The following KALRN variants were observed in gnomAD, a reference collection of about 807,000 sequenced individuals.
KALRN encodes kalirin.
A neutral mutation model predicts 353.7 loss-of-function variants in KALRN; 70 were observed. The ratio of observed to expected loss-of-function variants is 0.20; its 90% CI spans 0.16 to 0.24. The LOEUF is 0.24. Ranked by LOEUF, KALRN falls within the 10% of genes least tolerant of loss-of-function variation. The pLI is 1.00. For missense variants in KALRN, 2,791 were observed against 3,756.7 expected (o/e 0.74, Z 6.72); for synonymous variants, 1,391 against 1,434.8 (o/e 0.97, Z 0.69).
intron 1 of KALRN, among the ~76,000 whole-genome samples, chr3:124,206,076 A>G (rs976544330): frequency 2.0e-5 from 3 of 152,232 alleles, no homozygotes; most frequent in Admixed American, 2.0e-4. Flanking sequence ...CCTGATATTA[A>G]TAAGAGAGTG....
chr3:124,266,686 G>T (rs1172317672), intron 4 of KALRN, among the ~76,000 whole-genome samples: 3 of 152,094 alleles, frequency 2.0e-5, no homozygotes, highest in Non-Finnish European at 2.9e-5. Context: ...CCTGTGTGTG[G>T]TGTCAAATAG....
chr3:124,712,023 A>T (rs1042454680), intron 57 of KALRN, among the ~76,000 whole-genome samples: 4 of 152,198 alleles, frequency 2.6e-5, no homozygotes, highest in Non-Finnish European at 5.9e-5. Context: ...CATAAGAATG[A>T]TATGATGGAC....
intron 10 of KALRN, among the ~76,000 whole-genome samples, chr3:124,366,907 ATGGG>A (rs2084832526): frequency 9.2e-6 from 1 of 108,888 alleles, no homozygotes; most frequent in African/African-American, 4.4e-5. Context: ...TCCCTCCCGG[ATGGG>A]GTGGCTGGCC....
intron 1 of KALRN, among the ~76,000 whole-genome samples, chr3:124,040,576 A>G (rs932255576): frequency 2.0e-5 from 3 of 152,236 alleles, no homozygotes; most frequent in Non-Finnish European, 4.4e-5. Flanking sequence ...GCTGAGATGG[A>G]GAAACGCTGG....
At chr3:124,653,306 G>GA (rs1379272547) in intron 38 of KALRN, among the ~76,000 whole-genome samples, 1 of 152,146 alleles carries the variant, frequency 6.6e-6, no homozygotes, top group Non-Finnish European at 1.5e-5. Flanking sequence ...GAAGAAAAAA[G>GA]TTGAGAATGG....
chr3:124,221,735 C>T (rs947017136), intron 1 of KALRN, among the ~76,000 whole-genome samples: 2 of 152,086 alleles, frequency 1.3e-5, no homozygotes, highest in South Asian at 4.1e-4. Context: ...ATAGTGGATA[C>T]AGGATGGTCA....
intron 1 of KALRN, among the ~76,000 whole-genome samples, chr3:124,071,015 A>G (rs1374674139): frequency 3.3e-5 from 5 of 151,384 alleles, no homozygotes; most frequent in Non-Finnish European, 7.4e-5. Flanking sequence ...GTGTGTGCTG[A>G]TGTCTGTCAT....
chr3:124,231,123 C>A (rs1030016050), intron 2 of KALRN, among the ~76,000 whole-genome samples: 2 of 152,154 alleles, frequency 1.3e-5, no homozygotes, highest in Non-Finnish European at 2.9e-5. Flanking sequence ...GCCATGGGAA[C>A]GTACATTGGG....
At chr3:124,599,931 C>T (rs1011356640) in intron 34 of KALRN, among the ~76,000 whole-genome samples, 1 of 152,214 alleles carries the variant, frequency 6.6e-6, no homozygotes, top group Non-Finnish European at 1.5e-5. Flanking sequence ...GGGTTCCACA[C>T]ACAGCTTGTT....
At chr3:124,340,524 A>G (rs2081589165) in intron 9 of KALRN, among the ~76,000 whole-genome samples, 1 of 152,084 alleles carries the variant, frequency 6.6e-6, no homozygotes. Context: ...CTCTGTCTCC[A>G]AAAAAAGAAG....
chr3:124,076,366 T>G (rs1469432868), intron 1 of KALRN, among the ~76,000 whole-genome samples: 1 of 152,168 alleles, frequency 6.6e-6, no homozygotes, highest in African/African-American at 2.4e-5. Flanking sequence ...ATTGTTAAAT[T>G]AGAGTGGCTG....
Position 124,521,720 on chromosome 3 carries a change from AT to A in KALRN, c.4935+25308del, listed in dbSNP as rs568229537. On this transcript the variant is annotated intron_variant, in intron 33 of 59. Coordinates refer to ENST00000682506, the MANE Select transcript of KALRN (RefSeq NM_001388419.1). ...CTTACCAAAGCTTGTTTTCAGAGTT[AT>A]CTCGGAGCCCAGAGCAGAAACAGAG... is the stretch of plus-strand genomic sequence containing the variant. Among the ~76,000 whole-genome samples, 6 of 152,344 alleles carry A rather than the reference AT, an allele frequency of 3.9e-5. No homozygotes were observed. In the South Asian group the frequency reaches 1.2e-3, roughly 32 times the overall value.
chr3:124,463,527 AT>A (rs1445935439), intron 25 of KALRN, among the ~76,000 whole-genome samples: 2 of 152,250 alleles, frequency 1.3e-5, no homozygotes, highest in Non-Finnish European at 1.5e-5. Context: ...GCAGTGTCCA[AT>A]ACAGTAGCAC....
chr3:124,620,127 G>A lies in KALRN; in HGVS notation c.5183-12293G>A, dbSNP rs138511403. ...TTTTGGTTTTGGTTTTGAGACAGAG[G>A]TCTCACTGTGTTGCACAGGCTGGAG... On this transcript the variant is annotated intron_variant, in intron 34 of 59. Coordinates refer to ENST00000682506, the MANE Select transcript of KALRN (RefSeq NM_001388419.1). 6.7e-3 allele frequency among the ~76,000 whole-genome samples: 1,014 copies of A among 151,904 alleles called. 6 individuals are homozygous for A. Among genetic ancestry groups the A allele is most frequent in the Non-Finnish European group, 0.011 (747 of 67,964 alleles).
intron 33 of KALRN, among the ~76,000 whole-genome samples, chr3:124,521,116 G>T (rs923753631): frequency 6.6e-6 from 1 of 152,178 alleles, no homozygotes; most frequent in Non-Finnish European, 1.5e-5. Context: ...GATCCCTGAC[G>T]GCCAGGGTCT....
At chr3:124,314,334 A>C (rs571331421) in intron 6 of KALRN, among the ~76,000 whole-genome samples, 1 of 112,800 alleles carries the variant, frequency 8.9e-6, no homozygotes, top group Non-Finnish European at 1.7e-5. Context: ...GGAACATCAC[A>C]TACCGGGGCC....
At chr3:124,097,912 C>G (rs1248013856) in intron 1 of KALRN, among the ~76,000 whole-genome samples, 4 of 152,146 alleles carry the variant, frequency 2.6e-5, no homozygotes, top group Non-Finnish European at 5.9e-5. Flanking sequence ...TGATTGTATT[C>G]TGTGCTTATA....
Position 124,671,766 on chromosome 3 carries a change from T to C in KALRN, c.6810T>C (p.Val2270=). ...PQASPRPYSS[V]PAGSEKPPKG... ...CCAGCCCCAGGCCCTACTCCTCTGT[T>C]CCTGCGGGCTCAGAGAAGCCCCCAA... is the stretch of plus-strand genomic sequence containing the variant. The change falls in exon 48 of 60, where the codon GTT becomes GTC. Residue 2270 remains valine, a synonymous_variant. Transcript: ENST00000682506. 1 of 1,613,808 alleles carries C rather than the reference T, an allele frequency of 6.2e-7. No individual in the cohort carries two copies. The highest frequency in any genetic ancestry group is 8.5e-7 in the Non-Finnish European group (1 of 1,179,708).
chr3:124,396,562 G>A (rs377068290), intron 12 of KALRN, among the ~76,000 whole-genome samples: 75 of 152,278 alleles, frequency 4.9e-4, no homozygotes, highest in African/African-American at 1.5e-3. Context: ...CAGCTGCTTC[G>A]TCTGTGTAAT....
Sources: allele counts gnomAD v4.1 joint callset (sites outside exome capture counted in the v4.1 genomes callset), GRCh38; gene constraint gnomAD v4.1.1; transcripts MANE v1.5; gene names NCBI Gene and HGNC (gene_info 2026-07-23, HGNC 2026-07-21).